GAGE1: variants seen among roughly 807,000 people sequenced by gnomAD.
The protein encoded by GAGE1 is G antigen 4.
In GAGE1, 5 loss-of-function variants were observed where a neutral mutation model predicts 5.0. The observed-to-expected ratio is 1.00, with a 90% CI of 0.52 to 2.11. The LOEUF (loss-of-function observed/expected upper bound fraction) is 2.11, where lower values mean the gene tolerates loss of function less well. GAGE1 is among the 30% of genes most tolerant of loss of function. GAGE1 has a pLI of 0.01. For missense variants in GAGE1, 9 were observed against 38.9 expected, an observed-to-expected ratio of 0.23 and a Z score of 2.04; for synonymous variants, 6 against 14.8, an observed-to-expected ratio of 0.40 and a Z score of 1.37.
Position 49,608,512 on chromosome X carries a change from C to T in GAGE1, c.*2497C>T, listed in dbSNP as rs1263296552. ...AGGATGCTTTAGCCTACTCTAAGTT[C>T]TCCCAATAAATGCTTTGGACTGATC... On this transcript the variant is annotated 3_prime_UTR_variant, in exon 5 of 5. Coordinates refer to ENST00000381700, the MANE Select transcript of GAGE1 (RefSeq NM_001040663.4). The T allele has an allele frequency of 4.5e-5, 5 of 111,163 alleles. No individual in the cohort carries two copies. Among genetic ancestry groups the T allele is most frequent in the Non-Finnish European group, 9.4e-5 (5 of 53,099 alleles). The allele number at this position is 111,163 out of a possible 1,213,427, so 9.2% of individuals were successfully genotyped here.
chrX:49,602,637 T>G lies in GAGE1; in HGVS notation c.206-1031T>G, dbSNP rs5906829. Among the ~76,000 whole-genome samples the G allele has an allele frequency of 5.1e-4, 46 of 90,799 alleles. 2 individuals carry two copies. Among genetic ancestry groups the G allele is most frequent in the Admixed American group, 2.3e-3 (19 of 8,196 alleles). 78.8% of individuals were successfully genotyped at this position (90,799 alleles called of 115,157 possible). On this transcript the variant is annotated intron_variant, in intron 3 of 4. Coordinates refer to ENST00000381700, the MANE Select transcript of GAGE1 (RefSeq NM_001040663.4). ...TGAATTGTTTCGATAAAGTTTCAGGTATTATGGTCCTTTACCCTATGTACT... is the reference window on the plus strand; with the variant it reads ...TGAATTGTTTCGATAAAGTTTCAGGGATTATGGTCCTTTACCCTATGTACT...
In GAGE1 at chrX:49,606,023, C is replaced by A. The variant is rs782418604; in HGVS notation, c.*8C>A. ...GGGCAATCACAGTGTTAAAAGAAGA[C>A]ATGCTGAAATGTTGCAGGCTGCTCC... is the stretch of plus-strand genomic sequence containing the variant. On this transcript the variant is annotated 3_prime_UTR_variant, in exon 5 of 5. Transcript: ENST00000381700. The A allele has an allele frequency of 3.7e-6, 4 of 1,066,712 alleles. No homozygotes were observed. Among genetic ancestry groups the A allele is most frequent in the East Asian group, 3.5e-5 (1 of 28,576 alleles). The allele number at this position is 1,066,712 out of a possible 1,213,427, so 87.9% of individuals were successfully genotyped here.
At chrX:49,605,173 A>G in intron 4 of GAGE1, 1 of 981,684 alleles carries the variant, frequency 1.0e-6, no homozygotes, top group Admixed American at 2.5e-5. Context: ...GGGTGTGAGT[A>G]AGATGCCTGT....
intron 4 of GAGE1, among the ~76,000 whole-genome samples, chrX:49,604,629 C>T (rs782242238): frequency 1.8e-5 from 2 of 112,448 alleles, no homozygotes; most frequent in South Asian, 3.7e-4. Context: ...TCATCTGCTT[C>T]GCATGGTTTG....
chrX:49,602,341 C>T (rs782367529), intron 3 of GAGE1, among the ~76,000 whole-genome samples: 1 of 84,412 alleles, frequency 1.2e-5, no homozygotes, highest in Non-Finnish European at 2.7e-5. Context: ...TTTTGTACCA[C>T]AATTGGAAAT....
chrX:49,605,947 TAATC>T, intron 4 of GAGE1, 42 bp from the exon 5 acceptor site: 1 of 810,935 alleles, frequency 1.2e-6, no homozygotes. Context: ...ATAATAATAA[TAATC>T]TGTTGCTCTG....
rs2066665236 is a variant in GAGE1 at position 49,607,412 on chromosome X, T to G, written c.*1397T>G. 1 of 112,036 alleles carries G rather than the reference T, an allele frequency of 8.9e-6. No homozygotes were observed. Among genetic ancestry groups the G allele is most frequent in the Admixed American group, 9.5e-5 (1 of 10,490 alleles). The allele number at this position is 112,036 out of a possible 1,213,427, so 9.2% of individuals were successfully genotyped here. A position where few individuals can be genotyped will look rare whatever the true frequency, so the allele number is the denominator to read the frequency against. On this transcript the variant is annotated 3_prime_UTR_variant, in exon 5 of 5. Coordinates refer to ENST00000381700, the MANE Select transcript of GAGE1 (RefSeq NM_001040663.4). ...ATTTGTTGGACGTTGTTATCAAGGT[T>G]CCTCTAGCTTCATAAAACGGGTTGG...
In GAGE1 at chrX:49,606,021, G is replaced by A. The variant is rs368685415; in HGVS notation, c.*6G>A. ...AAGGGCAATCACAGTGTTAAAAGAA[G>A]ACATGCTGAAATGTTGCAGGCTGCT... is the stretch of plus-strand genomic sequence containing the variant. On this transcript the variant is annotated 3_prime_UTR_variant, in exon 5 of 5. Transcript: ENST00000381700. 6 of 1,068,202 alleles carry A rather than the reference G, an allele frequency of 5.6e-6. No individual in the cohort carries two copies. The highest frequency in any genetic ancestry group is 3.1e-5 in the Admixed American group (1 of 32,490). 88.0% of individuals were successfully genotyped at this position (1,068,202 alleles called of 1,213,427 possible).
rs1207867944 is a variant in GAGE1 at position 49,606,170 on chromosome X, C to G, written c.*155C>G. 1.6e-5 allele frequency: 5 copies of G among 310,919 alleles called. No homozygotes were observed. The highest frequency in any genetic ancestry group is 2.3e-5 in the Non-Finnish European group (4 of 177,302). 25.6% of individuals were successfully genotyped at this position (310,919 alleles called of 1,213,427 possible). A position where few individuals can be genotyped will look rare whatever the true frequency, so the allele number is the denominator to read the frequency against. ...ATTTGATGCTGTGAAATGTTTCATT[C>G]TTTGCAATTTTGTATTCTATCTCCT... On this transcript the variant is annotated 3_prime_UTR_variant, in exon 5 of 5. Coordinates refer to ENST00000381700, the MANE Select transcript of GAGE1 (RefSeq NM_001040663.4).
Position 49,604,972 on chromosome X carries a change from T to A in GAGE1, c.332-1021T>A, listed in dbSNP as rs190204161. 2,184 of 843,614 alleles carry A rather than the reference T, an allele frequency of 2.6e-3. 5 individuals are homozygous for A. Among genetic ancestry groups the A allele is most frequent in the Admixed American group, 5.8e-3 (221 of 38,295 alleles). 69.5% of individuals were successfully genotyped at this position (843,614 alleles called of 1,213,427 possible). On this transcript the variant is annotated intron_variant, in intron 4 of 4. Coordinates refer to ENST00000381700, the MANE Select transcript of GAGE1 (RefSeq NM_001040663.4). Reference sequence around the variant, plus strand: ...ACATGCACAAGCCAACGTACCTGAGTAAAATTTTTTTTTTCATTTTTGTAG... The same window carrying A: ...ACATGCACAAGCCAACGTACCTGAGAAAAATTTTTTTTTTCATTTTTGTAG...
intron 4 of GAGE1, among the ~76,000 whole-genome samples, chrX:49,605,773 G>T (rs1278307390): frequency 8.2e-5 from 9 of 110,378 alleles, no homozygotes; most frequent in African/African-American, 1.3e-4. Context: ...AGCCCTTGTG[G>T]TGGCACGCGC....
chrX:49,605,138 C>T (rs199695678), intron 4 of GAGE1: 23 of 1,004,082 alleles, frequency 2.3e-5, no homozygotes, highest in Admixed American at 2.3e-4. Context: ...TCATCTGTGG[C>T]ATGTAAGTCA....
At chrX:49,604,898 C>T (rs782399425) in intron 4 of GAGE1, 172 of 295,123 alleles carry the variant, frequency 5.8e-4, no homozygotes, top group South Asian at 3.9e-3. Context: ...ACCTCTGGCT[C>T]CCAGGCTAAA....
chrX:49,605,801 C>T (rs191629746), intron 4 of GAGE1, among the ~76,000 whole-genome samples, 192 bp from the exon 5 acceptor site: 1,624 of 109,415 alleles, frequency 0.015, 17 homozygotes, highest in Non-Finnish European at 0.026. Flanking sequence ...CCCAGCTACT[C>T]AGGAGTCTGA....
At chrX:49,605,633 C>T (rs1271204443) in intron 4 of GAGE1, among the ~76,000 whole-genome samples, 2 of 111,760 alleles carry the variant, frequency 1.8e-5, no homozygotes, top group African/African-American at 6.5e-5. Flanking sequence ...GTTGCTCAGC[C>T]GGGCGCTGTG....
intron 4 of GAGE1, among the ~76,000 whole-genome samples, chrX:49,604,668 G>T (rs781954645): frequency 8.9e-6 from 1 of 112,390 alleles, no homozygotes; most frequent in South Asian, 3.7e-4. Flanking sequence ...ACCCTGGCCC[G>T]AGTCATCTGA....
At chrX:49,604,861 G>T (rs2066643300) in intron 4 of GAGE1, 1 of 253,378 alleles carries the variant, frequency 3.9e-6, no homozygotes, top group African/African-American at 2.9e-5. Context: ...AGGGTGGAGT[G>T]CAGTGGTGTA....
chrX:49,604,433 C>G (rs1310422699), intron 4 of GAGE1, among the ~76,000 whole-genome samples: 1 of 112,513 alleles, frequency 8.9e-6, no homozygotes, highest in Non-Finnish European at 1.9e-5. Flanking sequence ...AATGCTGAAG[C>G]ACTCATGCGG....
intron 4 of GAGE1, among the ~76,000 whole-genome samples, chrX:49,605,369 C>T (rs1187723237): frequency 8.9e-6 from 1 of 112,325 alleles, no homozygotes; most frequent in South Asian, 3.7e-4. Context: ...CCTGAGTAAT[C>T]AACTGAAGTA....
Sources: gnomAD v4.1 joint callset for allele counts (sites outside exome capture counted in the v4.1 genomes callset) on GRCh38, gnomAD v4.1.1 for gene constraint, MANE v1.5 for transcripts, NCBI Gene and HGNC (gene_info 2026-07-23, HGNC 2026-07-21) for gene names.